NHEJ1: variants seen among roughly 807,000 people sequenced by gnomAD.
NHEJ1 encodes non-homologous end joining factor 1.
Under a neutral mutation model 39.4 loss-of-function variants are expected in NHEJ1, and 22 were observed. The ratio of observed to expected loss-of-function variants is 0.56; its 90% CI spans 0.40 to 0.80. The LOEUF (loss-of-function observed/expected upper bound fraction) is 0.80, where lower values mean the gene tolerates loss of function less well. NHEJ1 is among the 30% of genes least tolerant of loss of function. The probability of loss-of-function intolerance (pLI) is 0.00; values close to 1 mark genes in which losing one functional copy is unlikely to be tolerated. For missense variants in NHEJ1, 329 were observed against 357.1 expected (o/e 0.92, Z 0.63); for synonymous variants, 154 against 135.6 (o/e 1.14, Z -0.94).
intron 3 of NHEJ1, 145 bp from the exon 4 acceptor site, chr2:219,147,940 G>A (rs1204617691): frequency 2.6e-6 from 2 of 774,724 alleles, no homozygotes; most frequent in African/African-American, 1.7e-5. Flanking sequence ...TTACATGAAT[G>A]TAAACACAAA....
intron 5 of NHEJ1, among the ~76,000 whole-genome samples, chr2:219,118,911 G>A (rs925866445): frequency 1.3e-5 from 2 of 152,222 alleles, no homozygotes; most frequent in Non-Finnish European, 2.9e-5. Flanking sequence ...GCCCGCTCCA[G>A]CACACAGACA....
intron 5 of NHEJ1, among the ~76,000 whole-genome samples, chr2:219,118,918 G>A (rs1302929408): frequency 6.6e-6 from 1 of 152,212 alleles, no homozygotes; most frequent in Non-Finnish European, 1.5e-5. Flanking sequence ...CCAGCACACA[G>A]ACAGATGCTA....
chr2:219,153,692 A>AGG lies in NHEJ1; in HGVS notation c.390+3778_390+3779dup, dbSNP rs61240146. ...TCATCTCAAAAGAAAAAGAAAGAAA[A>AGG]GGGGGGGGGGGTGGAGAGAGAGAGA... is the stretch of plus-strand genomic sequence containing the variant. On this transcript the variant is annotated intron_variant, in intron 3 of 7. Transcript: ENST00000356853. 8.5e-3 allele frequency among the ~76,000 whole-genome samples: 677 copies of AGG among 79,226 alleles called. 15 individuals carry two copies. The highest frequency in any genetic ancestry group is 0.031 in the African/African-American group (550 of 17,574). The allele number at this position is 79,226 out of a possible 152,430, so 52.0% of individuals were successfully genotyped here. A position where few individuals can be genotyped will look rare whatever the true frequency, so the allele number is the denominator to read the frequency against.
rs1297645405 is a variant in NHEJ1 at position 219,073,141 on chromosome 2, G to A, written c.*3240C>T. Among the ~76,000 whole-genome samples, 2 of 152,258 alleles carry A rather than the reference G, an allele frequency of 1.3e-5. No homozygotes were observed. The highest frequency in any genetic ancestry group is 1.9e-4 in the East Asian group (1 of 5,170). On this transcript the variant is annotated 3_prime_UTR_variant, in exon 8 of 8. Transcript: ENST00000356853. ...TTCCCCCAGTGCTCACTGTGGGTGC[G>A]CTACACCAGGCCTGTGGAAGGATTT...
chr2:219,122,917 A>G (rs1949484959), intron 5 of NHEJ1, among the ~76,000 whole-genome samples: 1 of 152,192 alleles, frequency 6.6e-6, no homozygotes, highest in Admixed American at 6.5e-5. Flanking sequence ...GGGAGTAAAG[A>G]GTGGATAGCG....
At chr2:219,103,509 C>A (rs899968461) in intron 5 of NHEJ1, among the ~76,000 whole-genome samples, 5 of 152,130 alleles carry the variant, frequency 3.3e-5, no homozygotes, top group Non-Finnish European at 7.3e-5. Context: ...CTCCTGACCT[C>A]AAGTGATCCG....
intron 5 of NHEJ1, among the ~76,000 whole-genome samples, chr2:219,106,712 G>A (rs892184359): frequency 5.9e-5 from 9 of 152,062 alleles, no homozygotes; most frequent in African/African-American, 1.9e-4. Context: ...AAAATGTAGC[G>A]CCATACTCAA....
chr2:219,146,369 C>T (rs190919607), intron 5 of NHEJ1, among the ~76,000 whole-genome samples: 1 of 152,292 alleles, frequency 6.6e-6, no homozygotes, highest in East Asian at 1.9e-4. Context: ...TCTCAACAAG[C>T]AAAAATTTAA....
rs778354452 is a variant in NHEJ1 at position 219,076,557 on chromosome 2, CTTTTTTTTTTT to C, written c.826-113_826-103del. On this transcript the variant is annotated intron_variant, in intron 7 of 7. Transcript: ENST00000356853. The stretch of plus-strand genomic sequence containing the variant: ...TCATGGCTCCTGGTTAGGATGAGGC[CTTTTTTTTTTT>C]TTTTTTTTTTTTCCACCCAGGCTGG... The C allele has an allele frequency of 9.2e-5, 42 of 457,686 alleles. 1 individual carries two copies. Among genetic ancestry groups the C allele is most frequent in the African/African-American group, 6.3e-4 (26 of 41,580 alleles). 28.4% of individuals were successfully genotyped at this position (457,686 alleles called of 1,614,324 possible).
At chr2:219,078,242 T>A (rs910971188) in intron 5 of NHEJ1, 36 bp from the exon 6 acceptor site, 10 of 1,545,818 alleles carry the variant, frequency 6.5e-6, no homozygotes, top group African/African-American at 1.4e-5. Context: ...TTGGTTACAC[T>A]GTATTGCTAG....
At chr2:219,124,384 C>T (rs1949497451) in intron 5 of NHEJ1, among the ~76,000 whole-genome samples, 1 of 151,986 alleles carries the variant, frequency 6.6e-6, no homozygotes, top group Non-Finnish European at 1.5e-5. Flanking sequence ...CATATCTGAC[C>T]GTTTTGAAAT....
intron 5 of NHEJ1, among the ~76,000 whole-genome samples, chr2:219,098,550 T>A (rs944882436): frequency 6.6e-6 from 1 of 152,184 alleles, no homozygotes; most frequent in Non-Finnish European, 1.5e-5. Flanking sequence ...AGAAGTATGG[T>A]TTAAGTCTGC....
intron 7 of NHEJ1, among the ~76,000 whole-genome samples, chr2:219,076,702 T>G (rs989156595): frequency 2.0e-5 from 3 of 151,748 alleles, no homozygotes; most frequent in Non-Finnish European, 4.4e-5. Context: ...TGCTGCCATA[T>G]CTGGCTAATT....
chr2:219,111,867 A>G lies in NHEJ1; in HGVS notation c.589-33661T>C, dbSNP rs1202679657. On this transcript the variant is annotated intron_variant, in intron 5 of 7. Coordinates refer to ENST00000356853, the MANE Select transcript of NHEJ1 (RefSeq NM_024782.3). This position sits in a 1 kb window ranked among gnomAD's most constrained non-coding sequence, Gnocchi z 4.1. ...CCACAGCTGCCCCACGCGCTTGGCCAGCATCATGGCAGGATGGGGCGAGGC... is the reference window on the plus strand; with the variant it reads ...CCACAGCTGCCCCACGCGCTTGGCCGGCATCATGGCAGGATGGGGCGAGGC... 6.6e-6 allele frequency among the ~76,000 whole-genome samples: 1 copy of G among 152,230 alleles called. No homozygotes were observed. The highest frequency in any genetic ancestry group is 2.4e-5 in the African/African-American group (1 of 41,460).
intron 5 of NHEJ1, among the ~76,000 whole-genome samples, chr2:219,090,244 G>A (rs111369445): frequency 2.6e-5 from 4 of 152,220 alleles, no homozygotes; most frequent in African/African-American, 9.6e-5. Flanking sequence ...AAACAGTGTG[G>A]GCTCTGGAGT....
chr2:219,091,201 A>G (rs1379850881), intron 5 of NHEJ1, among the ~76,000 whole-genome samples: 1 of 152,146 alleles, frequency 6.6e-6, no homozygotes, highest in African/African-American at 2.4e-5. Context: ...GGACTAGCCC[A>G]GTTAGATAGG....
At chr2:219,091,441 A>T (rs1335297089) in intron 5 of NHEJ1, among the ~76,000 whole-genome samples, 1 of 151,870 alleles carries the variant, frequency 6.6e-6, no homozygotes, top group Non-Finnish European at 1.5e-5. Context: ...GCTGGGGTGG[A>T]GGGTGGGGTA....
At chr2:219,112,636 T>A (rs944680485) in intron 5 of NHEJ1, among the ~76,000 whole-genome samples, 4 of 152,106 alleles carry the variant, frequency 2.6e-5, no homozygotes, top group African/African-American at 9.7e-5. Flanking sequence ...ATACTCAGGT[T>A]GCAAAAGGTC....
chr2:219,087,048 A>G (rs959685956), intron 5 of NHEJ1, among the ~76,000 whole-genome samples: 10 of 152,120 alleles, frequency 6.6e-5, no homozygotes, highest in African/African-American at 2.2e-4. Flanking sequence ...CCCCTCAGAA[A>G]GTGTAGGAGC....
Sources: allele counts gnomAD v4.1 joint callset (sites outside exome capture counted in the v4.1 genomes callset), GRCh38; gene constraint gnomAD v4.1.1; non-coding constraint Gnocchi (gnomAD v3.1); transcripts MANE v1.5; gene names NCBI Gene and HGNC (gene_info 2026-07-23, HGNC 2026-07-21).